SCAF11: variants seen among roughly 807,000 people sequenced by gnomAD.
The protein encoded by SCAF11 is SR-related CTD associated factor 11.
Under a neutral mutation model 140.5 loss-of-function variants are expected in SCAF11, and 47 were observed. The observed-to-expected ratio is 0.33, with a 90% confidence interval of 0.26 to 0.43. The LOEUF is 0.43. Among genes scored for constraint, SCAF11 ranks in the 20% least tolerant of loss-of-function variants. The pLI is 1.00. For missense variants in SCAF11, 1,645 were observed against 1,705.1 expected (o/e 0.96, Z 0.62); for synonymous variants, 557 against 579.4 (o/e 0.96, Z 0.55).
In SCAF11 at chr12:45,922,577, C is replaced by T. The variant is rs1944740871; in HGVS notation, c.4131G>A (p.Leu1377=). Residue 1377 remains leucine, a synonymous_variant, in exon 14 of 15, where the codon TTG becomes TTA. Transcript: ENST00000369367. ...CTTGTGCTGCTTTTTCTTGAATTTG[C>T]AATTTCTGATGAGAAGAAAATGTAT... is the stretch of plus-strand genomic sequence containing the variant. The part of the protein sequence containing the change: ...SADSSKTDKK[L]QIQEKAAQEV... The T allele has an allele frequency of 1.9e-6, 3 of 1,588,122 alleles. No homozygotes were observed. Among genetic ancestry groups the T allele is most frequent in the South Asian group, 2.3e-5 (2 of 85,510 alleles).
At chr12:45,957,890 C>T (rs1945731793) in intron 3 of SCAF11, among the ~76,000 whole-genome samples, 2 of 151,872 alleles carry the variant, frequency 1.3e-5, no homozygotes, top group Admixed American at 6.6e-5. Context: ...AATAATGATT[C>T]CTACTTTCTC....
At chr12:45,960,218 G>T (rs1010123368) in intron 3 of SCAF11, among the ~76,000 whole-genome samples, 1 of 152,100 alleles carries the variant, frequency 6.6e-6, no homozygotes, top group Non-Finnish European at 1.5e-5. Flanking sequence ...AGATGCACTT[G>T]AAGTTGAAAG....
At chr12:45,991,962 C>T (rs1285547136), upstream of SCAF11, 1 of 1,289,250 alleles carries the variant, frequency 7.8e-7, no homozygotes, top group Non-Finnish European at 1.0e-6. Flanking sequence ...GCGTGCTGCG[C>T]TCTCCAGCCA....
chr12:45,988,818 A>G (rs1031003040), intron 1 of SCAF11, among the ~76,000 whole-genome samples: 9 of 152,226 alleles, frequency 5.9e-5, no homozygotes, highest in African/African-American at 2.2e-4. Context: ...AAACTGAATG[A>G]CTGTTAAAAT....
intron 1 of SCAF11, among the ~76,000 whole-genome samples, chr12:45,971,457 T>C (rs114146473): frequency 0.01 from 1,573 of 152,286 alleles, 29 homozygotes; most frequent in African/African-American, 0.036. Flanking sequence ...TAATAGCATA[T>C]GGACTAGAGA....
chr12:45,926,229 C>T lies in SCAF11; in HGVS notation c.3472G>A (p.Val1158Ile), dbSNP rs1332605327. 1.9e-6 allele frequency: 3 copies of T among 1,614,038 alleles called. No individual in the cohort carries two copies. Among genetic ancestry groups the T allele is most frequent in the African/African-American group, 1.3e-5 (1 of 74,914 alleles). Residue 1158 changes from valine (V) to isoleucine (I), a missense_variant, in exon 11 of 15, where the codon GTA (valine) becomes ATA (isoleucine). By Grantham distance (29) the Val-to-Ile change is conservative. Around this residue, in one of 2 missense-constraint regions of SCAF11, gnomAD observed 1,582 missense variants for 1,609.2 expected, o/e 0.98. Coordinates refer to ENST00000369367, the MANE Select transcript of SCAF11 (RefSeq NM_004719.3). Reference protein sequence around the residue: ...WAVRKTLPADVQNYYSRRGRN... With the variant: ...WAVRKTLPADIQNYYSRRGRN... ...CCTCGTCGTGAGTAGTAGTTTTGTACATCTGCTGGCAAAGTCTTTCTCACG... is the reference window on the plus strand; with the variant it reads ...CCTCGTCGTGAGTAGTAGTTTTGTATATCTGCTGGCAAAGTCTTTCTCACG...
In SCAF11 at chr12:45,927,197, G is replaced by A. The variant is rs184088063; in HGVS notation, c.2504C>T (p.Pro835Leu). ...KESRKSQSPSPKNESARGRKK... is the reference protein window; with the variant it reads ...KESRKSQSPSLKNESARGRKK... ...CCGGCCTCTGGCTGACTCATTCTTA[G>A]GAGATGGTGATTGAGACTTCCTGCT... Residue 835 changes from proline to leucine, a missense_variant, in exon 11 of 15, where the codon CCT becomes CTT. Pro to Leu is a moderately conservative substitution (Grantham distance 98, BLOSUM62 -3). Around this residue, in one of 2 missense-constraint regions of SCAF11, gnomAD observed 1,582 missense variants for 1,609.2 expected, o/e 0.98. Coordinates refer to ENST00000369367, the MANE Select transcript of SCAF11 (RefSeq NM_004719.3). The A allele has an allele frequency of 5.9e-5, 95 of 1,614,092 alleles. No individual in the cohort carries two copies. In the East Asian group the frequency reaches 1.9e-3, roughly 33 times the overall value.
intron 10 of SCAF11, chr12:45,930,051 AG>A (rs1316745732): frequency 6.6e-6 from 1 of 152,256 alleles, no homozygotes; most frequent in East Asian, 1.9e-4. Flanking sequence ...AAGAAGCTAA[AG>A]AAAAGGTTAT....
rs1239733095 is a variant in SCAF11, at chr12:45,928,630, A to G, written c.1071T>C (p.Ser357=). 1.9e-5 allele frequency: 30 copies of G among 1,614,092 alleles called. No individual in the cohort carries two copies. Among genetic ancestry groups the G allele is most frequent in the Non-Finnish European group, 2.4e-5 (28 of 1,179,982 alleles). The change falls in exon 11 of 15, where the codon AGT becomes AGC. Residue 357 remains serine, a synonymous_variant. Coordinates refer to ENST00000369367, the MANE Select transcript of SCAF11 (RefSeq NM_004719.3). ...TTTCTGACTCAGCTGAAGAGGGAAC[A>G]CTTAAAGATGGATTACTGTTACCTG... ...DAPGNSNPSL[S]VPSSAESEKQ...
Position 45,927,753 on chromosome 12 carries a change from C to T in SCAF11, c.1948G>A (p.Asp650Asn), listed in dbSNP as rs1944922632. 2 of 1,612,588 alleles carry T rather than the reference C, an allele frequency of 1.2e-6. No individual in the cohort carries two copies. The change falls in exon 11 of 15, where the codon GAT becomes AAT. Residue 650 changes from aspartate (D) to asparagine (N), a missense_variant. By Grantham distance (23) the Asp-to-Asn change is conservative (BLOSUM62 1). Coordinates refer to ENST00000369367, the MANE Select transcript of SCAF11 (RefSeq NM_004719.3). ...TEDVEIIATC[D>N]TFGNEDFNNI... is the part of the protein sequence containing the mutation. ...TTGAAATCTTCATTCCCAAAAGTAT[C>T]ACATGTTGCAATTATTTCTACATCT...
chr12:45,990,281 C>G, intron 1 of SCAF11, 72 bp downstream of exon 1: 1 of 1,230,672 alleles, frequency 8.1e-7, no homozygotes, highest in South Asian at 4.2e-5. Context: ...GCGCTCTGCG[C>G]CGGCCGCTAA....
rs775019543 is a variant in SCAF11 at position 45,928,735 on chromosome 12, C to A, written c.966G>T (p.Arg322Ser). ...TTTCAGCTCTTGTGTTACGTGTAGA[C>A]CTCCTTGTAGGAGTTGTCATTGCAG... is the stretch of plus-strand genomic sequence containing the variant. The part of the protein sequence containing the change: ...RKPAMTTPTR[R>S]STRNTRAETA... The change falls in exon 11 of 15, where the codon AGG becomes AGT. Residue 322 changes from arginine (R) to serine (S), a missense_variant. This residue lies in a region of SCAF11 where 1,582 missense variants were observed against 1,609.2 expected (regional missense o/e 0.98). Coordinates refer to ENST00000369367, the MANE Select transcript of SCAF11 (RefSeq NM_004719.3). 1.9e-6 allele frequency: 3 copies of A among 1,613,502 alleles called. No individual in the cohort carries two copies. The highest frequency in any genetic ancestry group is 1.7e-5 in the Admixed American group (1 of 59,976).
chr12:45,923,856 AT>A (rs1030029259), intron 12 of SCAF11, among the ~76,000 whole-genome samples: 46 of 144,902 alleles, frequency 3.2e-4, no homozygotes, highest in East Asian at 8.0e-4. Flanking sequence ...TAATTTTTGT[AT>A]TTTTTTTTTT....
intron 1 of SCAF11, among the ~76,000 whole-genome samples, chr12:45,981,312 A>C (rs1946344716): frequency 6.6e-6 from 1 of 152,194 alleles, no homozygotes; most frequent in Non-Finnish European, 1.5e-5. Flanking sequence ...AAAAACGATG[A>C]ATGAACTCAT....
In SCAF11 at chr12:45,964,106, C is replaced by T; in HGVS notation, c.61+1G>A. 6.9e-7 allele frequency: 1 copy of T among 1,454,858 alleles called. No individual in the cohort carries two copies. Among genetic ancestry groups the T allele is most frequent in the Non-Finnish European group, 9.5e-7 (1 of 1,047,638 alleles). The allele number at this position is 1,454,858 out of a possible 1,614,324, so 90.1% of individuals were successfully genotyped here. On this transcript the variant is annotated splice_donor_variant, in intron 2 of 14. Coordinates refer to ENST00000369367, the MANE Select transcript of SCAF11 (RefSeq NM_004719.3). LOFTEE classifies it high-confidence loss of function. ...CAAACTTTATAAAAATGAAAAGTTA[C>T]CTTCCATGTCTTCATACTTCTTATC...
At chr12:45,936,618 CTT>C (rs1393014245) in intron 6 of SCAF11, among the ~76,000 whole-genome samples, 1 of 152,206 alleles carries the variant, frequency 6.6e-6, no homozygotes, top group Non-Finnish European at 1.5e-5. Context: ...TGGCAAAACT[CTT>C]TCTTTGTCCT....
intron 3 of SCAF11, among the ~76,000 whole-genome samples, chr12:45,958,132 T>G (rs1945742048): frequency 6.6e-6 from 1 of 151,944 alleles, no homozygotes; most frequent in Admixed American, 6.6e-5. Flanking sequence ...CTTAAACTCC[T>G]GGGCTCGAGT....
At chr12:45,991,933 C>T (rs1178306695), upstream of SCAF11, 5 of 1,288,020 alleles carry the variant, frequency 3.9e-6, no homozygotes, top group Admixed American at 6.9e-5. Context: ...TTCCTGTCGC[C>T]TGCCCCCGTT....
At position 45,924,786 on chromosome 12, in the gene SCAF11, G is replaced by T. The variant is rs1944810402; in HGVS notation, c.3848C>A (p.Pro1283His). The T allele has an allele frequency of 6.2e-7, 1 of 1,612,488 alleles. No individual in the cohort carries two copies. The highest frequency in any genetic ancestry group is 1.7e-5 in the Admixed American group (1 of 59,988). The change falls in exon 12 of 15, where the codon CCC (proline) becomes CAC (histidine). Residue 1283 changes from proline to histidine, a missense_variant. Pro to His is a moderately conservative substitution (Grantham distance 77). This residue lies in a region of SCAF11 where 1,582 missense variants were observed against 1,609.2 expected (regional missense o/e 0.98). Coordinates refer to ENST00000369367, the MANE Select transcript of SCAF11 (RefSeq NM_004719.3). Reference protein sequence around the residue: ...SQGLPPPPPPPPPSQQVNYIA... With the variant: ...SQGLPPPPPPHPPSQQVNYIA... ...GTAGTTGACTTGTTGGGATGGTGGG[G>T]GAGGGGGTGGTGGTGGTGGTAGTCC...
Sources: allele counts gnomAD v4.1 joint callset (sites outside exome capture counted in the v4.1 genomes callset), GRCh38; gene constraint gnomAD v4.1.1; regional missense constraint gnomAD v4.1.1; transcripts MANE v1.5; gene names NCBI Gene and HGNC (gene_info 2026-07-23, HGNC 2026-07-21).